DPY19L3: variants seen among roughly 807,000 people sequenced by gnomAD.
DPY19L3 encodes the protein dpy-19 like C-mannosyltransferase 3.
In DPY19L3, 51 loss-of-function variants were observed where a neutral mutation model predicts 92.3. The observed-to-expected ratio is 0.55, with a 90% CI of 0.44 to 0.70. The LOEUF is 0.70. DPY19L3 is among the 30% of genes least tolerant of loss of function. The probability of loss-of-function intolerance (pLI) is 0.00; values close to 1 mark genes in which losing one functional copy is unlikely to be tolerated. For synonymous variants in DPY19L3, 309 were observed against 315.2 expected (o/e 0.98, Z 0.21); for missense variants, 706 against 855.9 (o/e 0.82, Z 2.18).
chr19:32,480,872 A>C (rs1026927635), intron 18 of DPY19L3: 1 of 466,360 alleles, frequency 2.1e-6, no homozygotes, highest in Admixed American at 3.8e-5. Context: ...TTGCTGCTAT[A>C]AACAAAACCT....
At chr19:32,453,388 T>A in intron 9 of DPY19L3, 112 bp downstream of exon 9, 1 of 1,103,902 alleles carries the variant, frequency 9.1e-7, no homozygotes, top group Non-Finnish European at 1.3e-6. Flanking sequence ...TGATTTGCAC[T>A]AAAAAGAGCA....
chr19:32,461,708 A>G (rs761574149), intron 12 of DPY19L3, among the ~76,000 whole-genome samples: 1 of 152,252 alleles, frequency 6.6e-6, no homozygotes, highest in Non-Finnish European at 1.5e-5. Context: ...CTAGTTACAT[A>G]GAGAAGCATC....
intron 3 of DPY19L3, among the ~76,000 whole-genome samples, chr19:32,419,630 C>T (rs1023852956): frequency 6.6e-6 from 1 of 151,882 alleles, no homozygotes; most frequent in Non-Finnish European, 1.5e-5. Flanking sequence ...GACAGAGTCT[C>T]ACTTTGTTGT....
Position 32,454,909 on chromosome 19 carries a change from G to T in DPY19L3, c.988-30G>T, listed in dbSNP as rs767636068. 3.6e-6 allele frequency: 5 copies of T among 1,376,598 alleles called. No individual in the cohort carries two copies. The East Asian group carries it at 7.1e-5, about 20-fold the overall frequency. The allele number at this position is 1,376,598 out of a possible 1,614,324, so 85.3% of individuals were successfully genotyped here. ...TTTATGAAGTTATATTAAAACTTAA[G>T]AATTAAAACATAACTCTTTTAATTT... On this transcript the variant is annotated intron_variant, in intron 9 of 18. Coordinates refer to ENST00000392250, the MANE Select transcript of DPY19L3 (RefSeq NM_001172774.2).
chr19:32,454,844 G>A lies in DPY19L3; in HGVS notation c.988-95G>A, dbSNP rs1448101050. 5.2e-6 allele frequency: 4 copies of A among 762,924 alleles called. No homozygotes were observed. In the African/African-American group the frequency reaches 5.5e-5, roughly 10 times the overall value. 47.3% of individuals were successfully genotyped at this position (762,924 alleles called of 1,614,324 possible). On this transcript the variant is annotated intron_variant, in intron 9 of 18. Coordinates refer to ENST00000392250, the MANE Select transcript of DPY19L3 (RefSeq NM_001172774.2). The stretch of plus-strand genomic sequence containing the variant: ...TATATTTTCCCTTTATGTTATATGA[G>A]CCAGTGTTTTTAAATCCTTAAGTAA...
chr19:32,408,045 G>A (rs1298727835), intron 1 of DPY19L3, among the ~76,000 whole-genome samples, 172 bp from the exon 2 acceptor site: 6 of 151,892 alleles, frequency 4.0e-5, no homozygotes, highest in African/African-American at 1.5e-4. Flanking sequence ...TGATGGTGCC[G>A]CTGCACTCCA....
In DPY19L3 at chr19:32,405,791, G is replaced by C. The variant is rs527599657; in HGVS notation, c.-156G>C. ...CCTCATTTCCACAAAGCTCCGCGGC[G>C]GTTCTGCCCTCCTTGTACCCGCGGC... is the stretch of plus-strand genomic sequence containing the variant. On this transcript the variant is annotated 5_prime_UTR_variant, in exon 1 of 19. Transcript: ENST00000392250. 1.6e-4 allele frequency: 24 copies of C among 152,264 alleles called. No homozygotes were observed. Among genetic ancestry groups the C allele is most frequent in the African/African-American group, 5.1e-4 (21 of 41,570 alleles). The allele number at this position is 152,264 out of a possible 1,614,324, so 9.4% of individuals were successfully genotyped here. A position where few individuals can be genotyped will look rare whatever the true frequency, so the allele number is the denominator to read the frequency against.
At chr19:32,418,846 A>C (rs1469387471) in intron 3 of DPY19L3, among the ~76,000 whole-genome samples, 1 of 152,214 alleles carries the variant, frequency 6.6e-6, no homozygotes, top group Non-Finnish European at 1.5e-5. Flanking sequence ...TCATACACTG[A>C]ATTTATGCAT....
intron 12 of DPY19L3, 89 bp from the exon 13 acceptor site, chr19:32,463,277 G>T (rs1319982791): frequency 3.5e-5 from 48 of 1,359,850 alleles, no homozygotes; most frequent in Non-Finnish European, 4.7e-5. Flanking sequence ...ATACATAAAG[G>T]CATACATTTC....
chr19:32,465,958 A>G (rs1970188402), intron 15 of DPY19L3, among the ~76,000 whole-genome samples: 1 of 152,228 alleles, frequency 6.6e-6, no homozygotes, highest in South Asian at 2.1e-4. Context: ...GAGTCCTGTC[A>G]GTTTACCTTT....
intron 4 of DPY19L3, among the ~76,000 whole-genome samples, chr19:32,433,450 C>T (rs1969034574): frequency 6.6e-6 from 1 of 152,212 alleles, no homozygotes; most frequent in Non-Finnish European, 1.5e-5. Flanking sequence ...CAGGGTCTCA[C>T]TCTGTCGTCC....
chr19:32,428,530 G>A (rs2145459933), intron 3 of DPY19L3, among the ~76,000 whole-genome samples: 1 of 152,240 alleles, frequency 6.6e-6, no homozygotes, highest in South Asian at 2.1e-4. Context: ...TGGGATGCGG[G>A]GGATCCTGGC....
At position 32,484,914 on chromosome 19, in the gene DPY19L3, TAA is replaced by T. The variant is rs944230474; in HGVS notation, c.*2675_*2676del. 2.0e-5 allele frequency: 3 copies of T among 152,234 alleles called. No homozygotes were observed. The highest frequency in any genetic ancestry group is 7.2e-5 in the African/African-American group (3 of 41,458). 9.4% of individuals were successfully genotyped at this position (152,234 alleles called of 1,614,324 possible). A position where few individuals can be genotyped will look rare whatever the true frequency, so the allele number is the denominator to read the frequency against. The stretch of plus-strand genomic sequence containing the variant: ...AAATTAGGTGTGGCTGGGAATATTA[TAA>T]GATATTGGGGAAAATATACAAATCA... On this transcript the variant is annotated 3_prime_UTR_variant, in exon 19 of 19. Coordinates refer to ENST00000392250, the MANE Select transcript of DPY19L3 (RefSeq NM_001172774.2).
At chr19:32,438,119 A>G (rs926533835) in intron 6 of DPY19L3, among the ~76,000 whole-genome samples, 52 of 152,320 alleles carry the variant, frequency 3.4e-4, no homozygotes, top group Non-Finnish European at 6.6e-4. Flanking sequence ...ATGAAATCAC[A>G]TTTTAAAAAA....
chr19:32,468,190 G>C (rs557139764), intron 15 of DPY19L3: 284 of 920,784 alleles, frequency 3.1e-4, no homozygotes, highest in Non-Finnish European at 3.5e-4. Context: ...ACTTCTAAAT[G>C]AAAAATAAAT....
intron 12 of DPY19L3, among the ~76,000 whole-genome samples, chr19:32,459,319 T>C (rs980760636): frequency 1.3e-4 from 20 of 152,326 alleles, no homozygotes; most frequent in African/African-American, 4.1e-4. Context: ...CTGTCATTTG[T>C]GAAAACTTAA....
rs746399509 is a variant in DPY19L3 at position 32,439,893 on chromosome 19, A to G, written c.838A>G (p.Met280Val). The G allele has an allele frequency of 3.1e-6, 5 of 1,613,368 alleles. No homozygotes were observed. The South Asian group carries it at 3.3e-5, about 11-fold the overall frequency. The change falls in exon 8 of 19, where the codon ATG (methionine) becomes GTG (valine). Residue 280 changes from methionine to valine, a missense_variant. Met to Val is a conservative substitution (Grantham distance 21). Coordinates refer to ENST00000392250, the MANE Select transcript of DPY19L3 (RefSeq NM_001172774.2). ...LVLFTLDSLD[M>V]LPAVKATWLY... ...GCTGTTCACACTGGACTCCCTGGACATGCTGCCAGCAGTGAAGGTGAGCTT... is the reference window on the plus strand; with the variant it reads ...GCTGTTCACACTGGACTCCCTGGACGTGCTGCCAGCAGTGAAGGTGAGCTT...
intron 12 of DPY19L3, among the ~76,000 whole-genome samples, 193 bp from the exon 13 acceptor site, chr19:32,463,170 CATT>C (rs1278682851): frequency 1.3e-5 from 2 of 151,504 alleles, no homozygotes; most frequent in African/African-American, 2.4e-5. Context: ...CAGTTTTTCT[CATT>C]ATTAATGCAT....
chr19:32,472,557 G>A (rs1166407504), intron 16 of DPY19L3, among the ~76,000 whole-genome samples: 1 of 146,650 alleles, frequency 6.8e-6, no homozygotes, highest in Non-Finnish European at 1.5e-5. Flanking sequence ...TTGCCTTCTG[G>A]TGTCTCTTTC....
Sources: allele counts gnomAD v4.1 joint callset (sites outside exome capture counted in the v4.1 genomes callset), GRCh38; gene constraint gnomAD v4.1.1; transcripts MANE v1.5; gene names NCBI Gene and HGNC (gene_info 2026-07-23, HGNC 2026-07-21).